Variants in LRMDA observed in about 807,000 individuals in gnomAD.
LRMDA encodes the protein leucine rich melanocyte differentiation associated, also known as leucine-rich melanocyte differentiation-associated protein.
A neutral mutation model predicts 29.8 loss-of-function variants in LRMDA; 18 were observed. The ratio of observed to expected loss-of-function variants is 0.60; its 90% CI spans 0.42 to 0.90. The LOEUF (loss-of-function observed/expected upper bound fraction) is 0.90. Among genes scored for constraint, LRMDA ranks in the 40% least tolerant of loss-of-function variants. LRMDA has a pLI of 0.00. For synonymous variants in LRMDA, 125 were observed against 109.4 expected (o/e 1.14, Z -0.89); for missense variants, 273 against 273.9 (o/e 1.00, Z 0.02).
At chr10:75,906,820 T>C (rs545411946) in intron 2 of LRMDA, among the ~76,000 whole-genome samples, 1 of 152,256 alleles carries the variant, frequency 6.6e-6, no homozygotes, top group African/African-American at 2.4e-5. Flanking sequence ...CACAAGATGC[T>C]TTACTTCTCT....
chr10:76,539,498 C>A (rs1456458059), intron 6 of LRMDA, among the ~76,000 whole-genome samples: 1 of 152,142 alleles, frequency 6.6e-6, no homozygotes, highest in Non-Finnish European at 1.5e-5. Context: ...ACCATATCCA[C>A]CCTGAGTTGA....
At chr10:75,880,696 C>A (rs925031254) in intron 2 of LRMDA, among the ~76,000 whole-genome samples, 3 of 152,196 alleles carry the variant, frequency 2.0e-5, no homozygotes, top group African/African-American at 7.2e-5. Context: ...CCTTGACTCT[C>A]AGGAAACCGG....
intron 5 of LRMDA, among the ~76,000 whole-genome samples, chr10:76,221,868 A>G (rs1282722753): frequency 2.0e-5 from 3 of 152,004 alleles, no homozygotes; most frequent in Non-Finnish European, 4.4e-5. Context: ...ACTTCAAACT[A>G]TACTACAAGG....
chr10:75,736,997 A>T (rs985565310), intron 2 of LRMDA, among the ~76,000 whole-genome samples: 2 of 152,112 alleles, frequency 1.3e-5, no homozygotes, highest in African/African-American at 4.8e-5. Context: ...CCGAATGCTT[A>T]AGGTTTTCCT....
intron 2 of LRMDA, among the ~76,000 whole-genome samples, chr10:75,453,370 A>G (rs1002829117): frequency 1.3e-5 from 2 of 152,208 alleles, no homozygotes; most frequent in African/African-American, 4.8e-5. Flanking sequence ...ACATAGGTTG[A>G]TGGCACAGGA....
intron 6 of LRMDA, among the ~76,000 whole-genome samples, chr10:76,393,474 T>A (rs1841747328): frequency 6.6e-6 from 1 of 152,224 alleles, no homozygotes; most frequent in Non-Finnish European, 1.5e-5. Context: ...TTTTGAAATA[T>A]GTCTGTTCAG....
At chr10:76,221,054 T>A (rs1851823798) in intron 5 of LRMDA, among the ~76,000 whole-genome samples, 1 of 152,056 alleles carries the variant, frequency 6.6e-6, no homozygotes, top group Non-Finnish European at 1.5e-5. Context: ...AGAAAAGGCG[T>A]TTGACAAAAT....
intron 6 of LRMDA, among the ~76,000 whole-genome samples, chr10:76,393,784 G>A (rs760187053): frequency 5.9e-5 from 9 of 152,038 alleles, no homozygotes; most frequent in South Asian, 2.1e-4. Context: ...TAGTGGTTTC[G>A]CTGCTTCAGG....
chr10:76,219,376 C>A (rs571626683), intron 5 of LRMDA, among the ~76,000 whole-genome samples: 4 of 152,036 alleles, frequency 2.6e-5, no homozygotes. Context: ...ACCCATCTCA[C>A]GTGCAGAGAC....
intron 2 of LRMDA, among the ~76,000 whole-genome samples, chr10:75,922,993 G>A (rs1846051091): frequency 6.6e-6 from 1 of 152,152 alleles, no homozygotes; most frequent in African/African-American, 2.4e-5. Flanking sequence ...CACTCTAAGG[G>A]ATACTGATAC....
Position 75,550,063 on chromosome 10 carries a change from GTT to G in LRMDA, c.131+111571_131+111572del, listed in dbSNP as rs1840123769. Among the ~76,000 whole-genome samples, 3 of 152,220 alleles carry G rather than the reference GTT, an allele frequency of 2.0e-5. No individual in the cohort carries two copies. The South Asian group carries it at 6.2e-4, about 32-fold the overall frequency. ...TCACCATTTGATGGCTGTTTGGACT[GTT>G]TAAAGTTTTAGCTATTTTGAATAAG... On this transcript the variant is annotated intron_variant, in intron 2 of 6. Transcript: ENST00000611255.
chr10:75,587,684 A>G (rs992727829), intron 2 of LRMDA, among the ~76,000 whole-genome samples: 5 of 152,242 alleles, frequency 3.3e-5, no homozygotes, highest in Non-Finnish European at 5.9e-5. Flanking sequence ...GAAAGAATCT[A>G]GAATCAGTAA....
chr10:75,553,334 G>T (rs1271812806), intron 2 of LRMDA, among the ~76,000 whole-genome samples: 1 of 152,178 alleles, frequency 6.6e-6, no homozygotes, highest in African/African-American at 2.4e-5. Context: ...TGAGCCTGGA[G>T]AGATGAAGGG....
intron 6 of LRMDA, among the ~76,000 whole-genome samples, chr10:76,384,274 C>A (rs1438900275): frequency 6.6e-6 from 1 of 152,184 alleles, no homozygotes; most frequent in Non-Finnish European, 1.5e-5. Flanking sequence ...TATCTATTAA[C>A]CAATGTATTC....
At chr10:75,837,167 C>A (rs1844453127) in intron 2 of LRMDA, among the ~76,000 whole-genome samples, 1 of 152,118 alleles carries the variant, frequency 6.6e-6, no homozygotes, top group Non-Finnish European at 1.5e-5. Context: ...AGGCTTGAAA[C>A]TCTAAGCCTT....
At chr10:76,114,156 CATT>C (rs1188196674) in intron 5 of LRMDA, among the ~76,000 whole-genome samples, 1 of 152,220 alleles carries the variant, frequency 6.6e-6, no homozygotes, top group Non-Finnish European at 1.5e-5. Flanking sequence ...GCTGACAACA[CATT>C]AATCACCAGC....
Position 75,559,431 on chromosome 10 carries a change from A to G in LRMDA, c.131+120937A>G, listed in dbSNP as rs1473987833. 7.9e-5 allele frequency among the ~76,000 whole-genome samples: 12 copies of G among 151,876 alleles called. No individual in the cohort carries two copies. In the East Asian group the frequency reaches 2.3e-3, roughly 30 times the overall value. ...GAGTTCATTGTAGATTCTGGATATT[A>G]GCCCTTTGTCAGATGAGTAGGTTGC... On this transcript the variant is annotated intron_variant, in intron 2 of 6. Coordinates refer to ENST00000611255, the MANE Select transcript of LRMDA (RefSeq NM_001305581.2).
chr10:75,595,501 C>T (rs932390089), intron 2 of LRMDA, among the ~76,000 whole-genome samples: 1 of 150,748 alleles, frequency 6.6e-6, no homozygotes, highest in African/African-American at 2.4e-5. Flanking sequence ...TTTATATATA[C>T]ATATTTATGT....
chr10:75,668,736 A>T (rs988244730), intron 2 of LRMDA, among the ~76,000 whole-genome samples: 1 of 152,208 alleles, frequency 6.6e-6, no homozygotes, highest in Non-Finnish European at 1.5e-5. Flanking sequence ...CTAGCAACAC[A>T]CAGTTAATAA....
Sources: gnomAD v4.1 joint callset for allele counts (sites outside exome capture counted in the v4.1 genomes callset) on GRCh38, gnomAD v4.1.1 for gene constraint, MANE v1.5 for transcripts, NCBI Gene and HGNC (gene_info 2026-07-23, HGNC 2026-07-21) for gene names.